The following TCF4 variants were observed in gnomAD, a reference collection of about 807,000 sequenced individuals.
The protein encoded by TCF4 is transcription factor 4.
TCF4 carries 3 observed loss-of-function variants against 82.1 expected under a neutral mutation model. That is an observed-to-expected ratio of 0.04 (90% CI 0.02 to 0.09). The LOEUF is 0.09. TCF4 is among the 10% of genes least tolerant of loss of function. The probability of loss-of-function intolerance (pLI) is 1.00; values close to 1 mark genes in which losing one functional copy is unlikely to be tolerated. For missense variants in TCF4, 518 were observed against 852.7 expected (o/e 0.61, Z 4.89); for synonymous variants, 276 against 309.6 (o/e 0.89, Z 1.14).
chr18:55,545,771 C>A (rs532563522), intron 3 of TCF4, among the ~76,000 whole-genome samples: 1 of 152,210 alleles, frequency 6.6e-6, no homozygotes, highest in South Asian at 2.1e-4. Flanking sequence ...TTTATTCACC[C>A]ACTTAATGTA....
chr18:55,573,106 A>G (rs950359739), intron 3 of TCF4, among the ~76,000 whole-genome samples: 2 of 151,808 alleles, frequency 1.3e-5, no homozygotes, highest in Non-Finnish European at 2.9e-5. Flanking sequence ...ACCCACTTCC[A>G]CCCCTGTACC....
intron 3 of TCF4, chr18:55,469,687 T>A (rs746934625): frequency 6.6e-6 from 1 of 152,166 alleles, no homozygotes; most frequent in Non-Finnish European, 1.5e-5. Context: ...CTAGACAAAC[T>A]TTAGAAAACA....
At chr18:55,428,031 G>C (rs996605537) in intron 5 of TCF4, among the ~76,000 whole-genome samples, 1 of 152,080 alleles carries the variant, frequency 6.6e-6, no homozygotes, top group African/African-American at 2.4e-5. Context: ...GAAATACTTT[G>C]CCAAGTCAGA....
chr18:55,507,056 T>C (rs1386173524), intron 3 of TCF4, among the ~76,000 whole-genome samples: 1 of 152,062 alleles, frequency 6.6e-6, no homozygotes, highest in Non-Finnish European at 1.5e-5. Context: ...AGAGATGGGG[T>C]TTCACCATGT....
chr18:55,605,297 C>G (rs970213288), intron 2 of TCF4, among the ~76,000 whole-genome samples: 1 of 152,206 alleles, frequency 6.6e-6, no homozygotes, highest in Non-Finnish European at 1.5e-5. Context: ...GAGCCGCAAT[C>G]TTGGATCCTA....
At chr18:55,484,417 T>C (rs1236187228) in intron 3 of TCF4, among the ~76,000 whole-genome samples, 1 of 152,238 alleles carries the variant, frequency 6.6e-6, no homozygotes, top group South Asian at 2.1e-4. Context: ...ACAATTCATA[T>C]CACTTTGTAA....
intron 6 of TCF4, among the ~76,000 whole-genome samples, chr18:55,387,275 C>T (rs749658731): frequency 3.9e-5 from 6 of 152,228 alleles, no homozygotes; most frequent in Non-Finnish European, 7.3e-5. Flanking sequence ...GCATTGCCTG[C>T]CCTAGTAGCC....
At chr18:55,454,867 G>A (rs1374068925) in intron 5 of TCF4, among the ~76,000 whole-genome samples, 1 of 152,154 alleles carries the variant, frequency 6.6e-6, no homozygotes, top group East Asian at 1.9e-4. Context: ...AGGACCCACA[G>A]GCAGCTGTAG....
upstream of TCF4, chr18:55,588,372 G>C (rs2097673306): frequency 1.8e-5 from 28 of 1,526,510 alleles, no homozygotes; most frequent in Non-Finnish European, 2.2e-5. Flanking sequence ...GGGCAGGCTA[G>C]GATGCATCCC....
At chr18:55,543,411 C>T (rs1345527118) in intron 3 of TCF4, among the ~76,000 whole-genome samples, 1 of 152,024 alleles carries the variant, frequency 6.6e-6, no homozygotes, top group African/African-American at 2.4e-5. Flanking sequence ...CTTATCTTCC[C>T]TAACAAAAAT....
At chr18:55,465,281 T>C (rs984150462) in intron 3 of TCF4, among the ~76,000 whole-genome samples, 10 of 152,168 alleles carry the variant, frequency 6.6e-5, no homozygotes, top group African/African-American at 2.4e-4. Context: ...ATTACTGCTA[T>C]TTTATTATCA....
At chr18:55,251,771 C>T (rs1342776363) in intron 15 of TCF4, among the ~76,000 whole-genome samples, 1 of 152,162 alleles carries the variant, frequency 6.6e-6, no homozygotes, top group African/African-American at 2.4e-5. Flanking sequence ...CTCACCAGTG[C>T]TCTCTGCTGA....
chr18:55,269,567 T>C (rs1022585629), intron 11 of TCF4: 5 of 477,832 alleles, frequency 1.0e-5, no homozygotes, highest in Non-Finnish European at 1.9e-5. Context: ...AGGAACAAGA[T>C]AGTTTTGGTC....
intron 8 of TCF4, among the ~76,000 whole-genome samples, chr18:55,298,558 A>G (rs992571575): frequency 6.6e-6 from 1 of 152,216 alleles, no homozygotes; most frequent in Non-Finnish European, 1.5e-5. Flanking sequence ...ATCACTCTTC[A>G]AACGTAGCTA....
chr18:55,427,043 T>C (rs1181796793), intron 5 of TCF4, among the ~76,000 whole-genome samples: 1 of 152,196 alleles, frequency 6.6e-6, no homozygotes, highest in Non-Finnish European at 1.5e-5. Flanking sequence ...TGCATGAAGA[T>C]ATCATTTCAA....
chr18:55,553,615 G>A (rs2097278943), intron 3 of TCF4, among the ~76,000 whole-genome samples: 1 of 152,148 alleles, frequency 6.6e-6, no homozygotes, highest in Non-Finnish European at 1.5e-5. Flanking sequence ...TAGTTTGGGT[G>A]GTAAAGTTTA....
chr18:55,261,069 C>CT (rs78112276), intron 12 of TCF4: 8,446 of 91,836 alleles, frequency 0.092, 463 homozygotes, highest in African/African-American at 0.12. Flanking sequence ...CAGTTATTGT[C>CT]TTTTTTTTTT....
intron 5 of TCF4, among the ~76,000 whole-genome samples, chr18:55,421,944 C>T (rs2094775433): frequency 6.6e-6 from 1 of 152,052 alleles, no homozygotes; most frequent in African/African-American, 2.4e-5. Flanking sequence ...TATCTCTGCT[C>T]TGGGGTTTCT....
At chr18:55,380,383 T>C (rs1458360167) in intron 6 of TCF4, among the ~76,000 whole-genome samples, 2 of 152,080 alleles carry the variant, frequency 1.3e-5, no homozygotes, top group Non-Finnish European at 2.9e-5. Context: ...ACCCGTCATC[T>C]ACATCCGGTA....
Sources: gnomAD v4.1 joint callset for allele counts (sites outside exome capture counted in the v4.1 genomes callset) on GRCh38, gnomAD v4.1.1 for gene constraint, MANE v1.5 for transcripts, NCBI Gene and HGNC (gene_info 2026-07-23, HGNC 2026-07-21) for gene names.